Variants in BTN2A1 observed in about 807,000 individuals in gnomAD.
BTN2A1 encodes the protein butyrophilin subfamily 2 member A1.
BTN2A1 carries 41 observed loss-of-function variants against 34.5 expected under a neutral mutation model. The observed-to-expected ratio is 1.19, with a 90% CI of 0.93 to 1.54. The LOEUF (loss-of-function observed/expected upper bound fraction) is 1.54, where lower values mean the gene tolerates loss of function less well. BTN2A1 is among the 40% of genes most tolerant of loss of function. BTN2A1 has a pLI of 0.00. For synonymous variants in BTN2A1, 267 were observed against 258.6 expected (o/e 1.03, Z -0.31); for missense variants, 642 against 662.0 (o/e 0.97, Z 0.33).
Position 26,468,497 on chromosome 6 carries a change from T to A in BTN2A1, c.1532T>A (p.Val511Glu). 6.2e-7 allele frequency: 1 copy of A among 1,614,096 alleles called. No homozygotes were observed. The change falls in exon 8 of 8, where the codon GTG (valine) becomes GAG (glutamate). Residue 511 changes from valine to glutamate, a missense_variant. Val to Glu is a moderately radical substitution (Grantham distance 121, BLOSUM62 -2). Coordinates refer to ENST00000312541, the MANE Select transcript of BTN2A1 (RefSeq NM_007049.5). ...CTCACAGGAGCCAATGGGGTCACGG[T>A]GCCTGAAGAGGGCCTGACACTTCAC... ...PALTGANGVT[V>E]PEEGLTLHRV...
rs1223818875 is a variant in BTN2A1 at position 26,465,983 on chromosome 6, G to T, written c.955+10G>T. ...CTTCAAGAAGAATTGCGTAAGTTTA[G>T]CCTTTCCTTAACTACATGTACAATT... On this transcript the variant is annotated intron_variant, in intron 6 of 7. Coordinates refer to ENST00000312541, the MANE Select transcript of BTN2A1 (RefSeq NM_007049.5). 6.2e-7 allele frequency: 1 copy of T among 1,614,236 alleles called. No individual in the cohort carries two copies. Among genetic ancestry groups the T allele is most frequent in the South Asian group, 1.1e-5 (1 of 91,086 alleles).
At position 26,463,821 on chromosome 6, in the gene BTN2A1, A is replaced by G. The variant is rs540633411; in HGVS notation, c.712+296A>G. On this transcript the variant is annotated intron_variant, in intron 4 of 7. Transcript: ENST00000312541. ...CTTACACTGCTGCAATTTTTTTTTA[A>G]GACAAGTTCTTGCTCTGTCACACAG... Among the ~76,000 whole-genome samples the G allele has an allele frequency of 4.1e-4, 62 of 151,880 alleles. 1 individual carries two copies. The highest frequency in any genetic ancestry group is 1.3e-3 in the African/African-American group (55 of 41,394).
downstream of BTN2A1, among the ~76,000 whole-genome samples, chr6:26,469,916 C>T (rs192009347): frequency 2.6e-5 from 4 of 152,102 alleles, no homozygotes; most frequent in East Asian, 1.9e-4. Context: ...TGGTAGCGCA[C>T]GCCTGTAGTC....
chr6:26,465,440 G>T (rs1349204608), intron 5 of BTN2A1, 34 bp downstream of exon 5: 2 of 1,601,448 alleles, frequency 1.2e-6, no homozygotes, highest in South Asian at 1.1e-5. Flanking sequence ...CTCATGGCTT[G>T]AATCCCAGCA....
At position 26,462,685 on chromosome 6, in the gene BTN2A1, G is replaced by A. The variant is rs1763196587; in HGVS notation, c.431-559G>A. ...TCACCTCCTATGGGTGGTAGAAAGC[G>A]GTGGTTATGTGAAGTTCTGAACTAG... On this transcript the variant is annotated intron_variant, in intron 3 of 7. Coordinates refer to ENST00000312541, the MANE Select transcript of BTN2A1 (RefSeq NM_007049.5). The A allele has an allele frequency of 8.3e-6, 5 of 606,048 alleles. 1 individual carries two copies. Among genetic ancestry groups the A allele is most frequent in the South Asian group, 3.2e-5 (2 of 62,858 alleles). The allele number at this position is 606,048 out of a possible 1,614,324, so 37.5% of individuals were successfully genotyped here. A position where few individuals can be genotyped will look rare whatever the true frequency, so the allele number is the denominator to read the frequency against.
At chr6:26,466,025 A>G (rs751746821) in intron 6 of BTN2A1, 37 bp from the exon 7 acceptor site, 24 of 1,614,110 alleles carry the variant, frequency 1.5e-5, no homozygotes, top group Admixed American at 1.3e-4. Flanking sequence ...CTGCTCAGCA[A>G]CATCTCATGA....
Position 26,469,204 on chromosome 6 carries a change from C to A in BTN2A1, c.*655C>A. ...ATGGATGCACGTGGATGTAGTTTGG[C>A]TCAGGTGTCCCTGCAGTTGGCAAGG... is the stretch of plus-strand genomic sequence containing the variant. On this transcript the variant is annotated 3_prime_UTR_variant, in exon 8 of 8. Coordinates refer to ENST00000312541, the MANE Select transcript of BTN2A1 (RefSeq NM_007049.5). 1.9e-6 allele frequency: 2 copies of A among 1,038,360 alleles called. No homozygotes were observed. Among genetic ancestry groups the A allele is most frequent in the Non-Finnish European group, 2.3e-6 (2 of 861,466 alleles). The allele number at this position is 1,038,360 out of a possible 1,614,324, so 64.3% of individuals were successfully genotyped here. A position where few individuals can be genotyped will look rare whatever the true frequency, so the allele number is the denominator to read the frequency against.
rs554227538 is a variant in BTN2A1 at position 26,458,677 on chromosome 6, C to CCCT, written c.58_60dup (p.Leu20dup). The CCCT allele has an allele frequency of 1.7e-3, 2,755 of 1,604,148 alleles. 26 individuals are homozygous for CCCT. The African/African-American group carries it at 0.028, about 17-fold the overall frequency. ...GCCCTGCACTTCTCCCGGCCAGCCT[C>CCCT]CCTCCTCCTCCTCCTCCTCAGCCTG... On this transcript the variant is annotated inframe_insertion, in exon 2 of 8. Transcript: ENST00000312541.
At chr6:26,464,721 A>T (rs902880122) in intron 4 of BTN2A1, among the ~76,000 whole-genome samples, 2 of 152,220 alleles carry the variant, frequency 1.3e-5, no homozygotes, top group African/African-American at 4.8e-5. Context: ...CACATTAAAC[A>T]TGGCATTGTA....
chr6:26,463,586 A>G (rs992880895), intron 4 of BTN2A1, 61 bp downstream of exon 4: 3 of 1,555,782 alleles, frequency 1.9e-6, no homozygotes, highest in Non-Finnish European at 2.6e-6. Flanking sequence ...ACACAGATGG[A>G]GCCCAGAACG....
rs373370733 is a variant in BTN2A1, at chr6:26,467,917, C to G, written c.983-31C>G. 3.3e-5 allele frequency: 53 copies of G among 1,597,954 alleles called. No homozygotes were observed. The African/African-American group carries it at 5.5e-4, about 17-fold the overall frequency. ...ACACAATCCCCAGGGTTCCTGAGACCCCAGGCCTAAACCTGAGACTTCCTC... is the reference window on the plus strand; with the variant it reads ...ACACAATCCCCAGGGTTCCTGAGACGCCAGGCCTAAACCTGAGACTTCCTC... On this transcript the variant is annotated intron_variant, in intron 7 of 7. Transcript: ENST00000312541.
At chr6:26,473,095 T>G (rs751331728), downstream of BTN2A1, among the ~76,000 whole-genome samples, 6 of 152,182 alleles carry the variant, frequency 3.9e-5, no homozygotes, top group Non-Finnish European at 8.8e-5. Flanking sequence ...GTTCTCAATT[T>G]GGGCTGAGGA....
chr6:26,465,991 T>G lies in BTN2A1; in HGVS notation c.955+18T>G. The G allele has an allele frequency of 6.2e-7, 1 of 1,614,258 alleles. No homozygotes were observed. The highest frequency in any genetic ancestry group is 8.5e-7 in the Non-Finnish European group (1 of 1,180,032). On this transcript the variant is annotated intron_variant, in intron 6 of 7. Transcript: ENST00000312541. Reference sequence around the variant, plus strand: ...AGAATTGCGTAAGTTTAGCCTTTCCTTAACTACATGTACAATTTGAGTTCT... The same window carrying G: ...AGAATTGCGTAAGTTTAGCCTTTCCGTAACTACATGTACAATTTGAGTTCT...
chr6:26,468,895 C>T lies in BTN2A1; in HGVS notation c.*346C>T. On this transcript the variant is annotated 3_prime_UTR_variant, in exon 8 of 8. Transcript: ENST00000312541. Reference sequence around the variant, plus strand: ...ACATTAAGCCCAGTATTCCAGTTGGCACCAGAAGATATGGACTTGGAATGA... The same window carrying T: ...ACATTAAGCCCAGTATTCCAGTTGGTACCAGAAGATATGGACTTGGAATGA... 3 of 1,346,716 alleles carry T rather than the reference C, an allele frequency of 2.2e-6. No homozygotes were observed. The highest frequency in any genetic ancestry group is 2.9e-6 in the Non-Finnish European group (3 of 1,029,522). 83.4% of individuals were successfully genotyped at this position (1,346,716 alleles called of 1,614,324 possible).
At chr6:26,474,126 C>A (rs1023267598), downstream of BTN2A1, among the ~76,000 whole-genome samples, 7 of 152,090 alleles carry the variant, frequency 4.6e-5, no homozygotes, top group Admixed American at 4.6e-4. Flanking sequence ...GCTCTTGAGC[C>A]CTTAAATAAT....
At chr6:26,463,136 C>T in intron 3 of BTN2A1, 108 bp from the exon 4 acceptor site, 1 of 1,304,334 alleles carries the variant, frequency 7.7e-7, no homozygotes, top group Non-Finnish European at 1.0e-6. Context: ...TGTTTCCTAT[C>T]TCCCTCTTTT....
intron 2 of BTN2A1, among the ~76,000 whole-genome samples, chr6:26,459,004 A>G (rs1763087181): frequency 6.6e-6 from 1 of 152,180 alleles, no homozygotes; most frequent in South Asian, 2.1e-4. Context: ...TTTCGCCCCA[A>G]ATAATCAAAT....
chr6:26,468,040 G>T lies in BTN2A1; in HGVS notation c.1075G>T (p.Gly359Trp), dbSNP rs1238646887. ...SVRRCPFRHLGESVPDNPERF... is the reference protein window; with the variant it reads ...SVRRCPFRHLWESVPDNPERF... ...GAGAAGGTGCCCCTTCAGGCACCTA[G>T]GGGAGAGCGTGCCTGACAACCCAGA... The change falls in exon 8 of 8, where the codon GGG (glycine) becomes TGG (tryptophan). Residue 359 changes from glycine to tryptophan, a missense_variant. By Grantham distance (184) the Gly-to-Trp change is radical. Transcript: ENST00000312541. 2 of 1,614,232 alleles carry T rather than the reference G, an allele frequency of 1.2e-6. No homozygotes were observed. The highest frequency in any genetic ancestry group is 2.2e-5 in the South Asian group (2 of 91,084).
Position 26,468,549 on chromosome 6 carries a change from G to A in BTN2A1, c.1584G>A (p.Ter528=). 6.2e-7 allele frequency: 1 copy of A among 1,614,126 alleles called. No individual in the cohort carries two copies. Among genetic ancestry groups the A allele is most frequent in the Non-Finnish European group, 8.5e-7 (1 of 1,180,024 alleles). Residue 528 remains the stop codon, a stop_retained_variant, in exon 8 of 8, where the codon TAG becomes TAA. Transcript: ENST00000312541. ...GAGTGGGGACCCACCAGAGCCTATA[G>A]AATCAATTCCTTGGTCTCACAGCCA... ...LHRVGTHQSL[*] is the part of the protein sequence containing the mutation.
Sources: gnomAD v4.1 joint callset for allele counts (sites outside exome capture counted in the v4.1 genomes callset) on GRCh38, gnomAD v4.1.1 for gene constraint, MANE v1.5 for transcripts, NCBI Gene and HGNC (gene_info 2026-07-23, HGNC 2026-07-21) for gene names.